Variants in ZDHHC11B observed in about 807,000 individuals in gnomAD.
The protein encoded by ZDHHC11B is probable palmitoyltransferase ZDHHC11B.
Under a neutral mutation model 42.3 loss-of-function variants are expected in ZDHHC11B, and 17 were observed. That is an observed-to-expected ratio of 0.40 (90% CI 0.27 to 0.60). ZDHHC11B has a LOEUF of 0.60. Among genes scored for constraint, ZDHHC11B ranks in the 20% least tolerant of loss-of-function variants. The pLI is 0.41. For synonymous variants in ZDHHC11B, 123 were observed against 193.5 expected, an observed-to-expected ratio of 0.64 and a Z score of 3.02; for missense variants, 262 against 463.2, an observed-to-expected ratio of 0.57 and a Z score of 3.99.
intron 4 of ZDHHC11B, among the ~76,000 whole-genome samples, chr5:761,848 C>T (rs1734655331): frequency 6.6e-6 from 1 of 151,988 alleles, no homozygotes; most frequent in Non-Finnish European, 1.5e-5. Flanking sequence ...CCCTGGACAG[C>T]CTCTCACAGA....
At chr5:759,854 C>A (rs1662081021) in intron 4 of ZDHHC11B, among the ~76,000 whole-genome samples, 1 of 152,032 alleles carries the variant, frequency 6.6e-6, no homozygotes, top group Non-Finnish European at 1.5e-5. Flanking sequence ...CGGGTCCCTG[C>A]AGGTGCCGGA....
rs1453009292 is a variant in ZDHHC11B, at chr5:767,381, C to A, written c.-1+11G>T. On this transcript the variant is annotated intron_variant, in intron 3 of 13. Transcript: ENST00000508859. ...GACAGCAGCCAAGGGCTCCCCGGGGCCAACACCTGCCTCGGCGCACACTGC... is the reference window on the plus strand; with the variant it reads ...GACAGCAGCCAAGGGCTCCCCGGGGACAACACCTGCCTCGGCGCACACTGC... 2 of 1,554,690 alleles carry A rather than the reference C, an allele frequency of 1.3e-6. No homozygotes were observed. The highest frequency in any genetic ancestry group is 4.5e-5 in the East Asian group (2 of 44,566).
intron 12 of ZDHHC11B, among the ~76,000 whole-genome samples, chr5:723,081 G>C (rs1471821868): frequency 2.2e-5 from 3 of 138,484 alleles, no homozygotes; most frequent in African/African-American, 8.6e-5. Context: ...TGGAATGGGG[G>C]CCCCATCAAC....
At chr5:776,462 T>G (rs1294285459) in intron 1 of ZDHHC11B, among the ~76,000 whole-genome samples, 2 of 151,798 alleles carry the variant, frequency 1.3e-5, no homozygotes, top group Non-Finnish European at 2.9e-5. Flanking sequence ...GGAGACCGGG[T>G]AGGCCCCTGG....
At chr5:766,404 C>A (rs1375623384) in intron 4 of ZDHHC11B, among the ~76,000 whole-genome samples, 21 of 151,990 alleles carry the variant, frequency 1.4e-4, no homozygotes, top group African/African-American at 4.8e-4. Context: ...TCCAACCTGA[C>A]CCTGAGCCAT....
chr5:767,358 C>G lies in ZDHHC11B; in HGVS notation c.-1+34G>C, dbSNP rs1275318249. 73 of 1,571,990 alleles carry G rather than the reference C, an allele frequency of 4.6e-5. 3 individuals are homozygous for G. The East Asian group carries it at 1.5e-3, about 32-fold the overall frequency. On this transcript the variant is annotated intron_variant, in intron 3 of 13. Coordinates refer to ENST00000508859, the MANE Select transcript of ZDHHC11B (RefSeq NM_001351303.2). ...ACACCAGGGCGCAGCTGAAGCTGGA[C>G]AGCAGCCAAGGGCTCCCCGGGGCCA...
chr5:740,111 C>T (rs1384423376), intron 10 of ZDHHC11B, among the ~76,000 whole-genome samples: 19 of 126,742 alleles, frequency 1.5e-4, no homozygotes, highest in African/African-American at 4.3e-4. Context: ...ATGTAATGGG[C>T]TTTTGGGACT....
At chr5:714,321 T>C (rs1741587888) in intron 13 of ZDHHC11B, among the ~76,000 whole-genome samples, 1 of 142,450 alleles carries the variant, frequency 7.0e-6, no homozygotes, top group African/African-American at 2.7e-5. Flanking sequence ...ATCAGACAAC[T>C]CTCCTAGCCA....
intron 10 of ZDHHC11B, among the ~76,000 whole-genome samples, chr5:736,473 G>C (rs1444955573): frequency 6.7e-6 from 1 of 149,590 alleles, no homozygotes; most frequent in African/African-American, 2.5e-5. Flanking sequence ...AAAAGGACTT[G>C]ACAGATATTT....
chr5:760,319 C>A (rs550052640), intron 4 of ZDHHC11B, among the ~76,000 whole-genome samples: 1 of 151,752 alleles, frequency 6.6e-6, no homozygotes, highest in Non-Finnish European at 1.5e-5. Context: ...AAGGTCTTTT[C>A]GGGTAGGCCC....
intron 12 of ZDHHC11B, among the ~76,000 whole-genome samples, chr5:724,384 T>TG (rs1416661707): frequency 4.2e-5 from 6 of 141,978 alleles, no homozygotes; most frequent in East Asian, 2.1e-4. Context: ...TTTTTTTTTT[T>TG]TTTTTTTTTT....
rs751272226 is a variant in ZDHHC11B, at chr5:729,012, CA to C, written c.1058+1421del. On this transcript the variant is annotated intron_variant, in intron 12 of 13. Coordinates refer to ENST00000508859, the MANE Select transcript of ZDHHC11B (RefSeq NM_001351303.2). ...TGGGTGACAGAGAAAGACCCTGTCT[CA>C]AAAAAAAAAAAAAATGTTGCTCCAT... Among the ~76,000 whole-genome samples, 525 of 134,370 alleles carry C rather than the reference CA, an allele frequency of 3.9e-3. 3 individuals carry two copies. The highest frequency in any genetic ancestry group is 4.5e-3 in the Non-Finnish European group (274 of 61,408). 88.2% of individuals were successfully genotyped at this position (134,370 alleles called of 152,430 possible).
At chr5:717,848 T>C (rs1741871887) in intron 12 of ZDHHC11B, among the ~76,000 whole-genome samples, 1 of 151,680 alleles carries the variant, frequency 6.6e-6, no homozygotes, top group African/African-American at 2.4e-5. Flanking sequence ...GGTGATTAGC[T>C]GGGGGACTTG....
At chr5:766,989 G>T in intron 3 of ZDHHC11B, 70 bp from the exon 4 acceptor site, 1 of 1,535,410 alleles carries the variant, frequency 6.5e-7, no homozygotes, top group African/African-American at 1.4e-5. Flanking sequence ...CACTGTCAGG[G>T]AGACCACGGG....
At chr5:758,860 G>A (rs1016986925) in intron 4 of ZDHHC11B, among the ~76,000 whole-genome samples, 1 of 151,922 alleles carries the variant, frequency 6.6e-6, no homozygotes, top group African/African-American at 2.4e-5. Context: ...GTCCTCCTGG[G>A]ACATCCGTCA....
intron 3 of ZDHHC11B, 94 bp from the exon 4 acceptor site, chr5:767,013 G>GC: frequency 1.4e-6 from 2 of 1,424,562 alleles, no homozygotes; most frequent in South Asian, 1.2e-5. Context: ...TGGGAACATG[G>GC]CCCCCAGGAC....
chr5:723,212 CACCCAGGATTGGGATTCGTGTG>C (rs1381779896), intron 12 of ZDHHC11B, among the ~76,000 whole-genome samples: 1 of 147,936 alleles, frequency 6.8e-6, no homozygotes, highest in Non-Finnish European at 1.5e-5. Context: ...AATCTGTTCC[CACCCAGGATTGGGATTCGTGTG>C]ACTCTGGGCA....
In ZDHHC11B at chr5:784,725, A is replaced by G. The variant is rs1038353054; in HGVS notation, c.-287T>C. Among the ~76,000 whole-genome samples, 5 of 148,718 alleles carry G rather than the reference A, an allele frequency of 3.4e-5. No homozygotes were observed. Among genetic ancestry groups the G allele is most frequent in the South Asian group, 2.1e-4 (1 of 4,720 alleles). On this transcript the variant is annotated 5_prime_UTR_variant, in exon 1 of 14. Transcript: ENST00000508859. ...CCCGCGACCCGGCCGCGCGCGACCA[A>G]GTGCTCAGCGCAGCGCTCCCCCTGC...
chr5:738,264 G>A (rs1332692002), intron 10 of ZDHHC11B, among the ~76,000 whole-genome samples: 9 of 2,676 alleles, frequency 3.4e-3, no homozygotes, highest in African/African-American at 7.9e-3. Context: ...TCTCTACATG[G>A]AAACTACAAA....
Sources: allele counts gnomAD v4.1 joint callset (sites outside exome capture counted in the v4.1 genomes callset), GRCh38; gene constraint gnomAD v4.1.1; transcripts MANE v1.5; gene names NCBI Gene and HGNC (gene_info 2026-07-23, HGNC 2026-07-21).